The following MICU3 variants were observed in gnomAD, a reference collection of about 807,000 sequenced individuals.
The protein encoded by MICU3 is calcium uptake protein 3, mitochondrial.
Under a neutral mutation model 66.5 loss-of-function variants are expected in MICU3, and 62 were observed. The observed-to-expected ratio is 0.93, with a 90% CI of 0.76 to 1.15. The LOEUF (loss-of-function observed/expected upper bound fraction) is 1.15, where lower values mean the gene tolerates loss of function less well. Among genes scored for constraint, MICU3 ranks in the 50% most tolerant of loss-of-function variants. The pLI, the probability that MICU3 is intolerant of heterozygous loss-of-function variation, is 0.00. For synonymous variants in MICU3, 308 were observed against 240.7 expected (o/e 1.28, Z -2.59); for missense variants, 779 against 664.4 (o/e 1.17, Z -1.90).
At chr8:17,090,225 CG>C (rs1385204131) in intron 7 of MICU3, among the ~76,000 whole-genome samples, 2 of 152,058 alleles carry the variant, frequency 1.3e-5, no homozygotes, top group African/African-American at 4.8e-5. Context: ...TGTAGCATTG[CG>C]GAAGCATGTC....
chr8:17,097,946 C>G (rs544711628), intron 8 of MICU3, among the ~76,000 whole-genome samples: 5 of 151,832 alleles, frequency 3.3e-5, no homozygotes, highest in Non-Finnish European at 5.9e-5. Context: ...TGACTTAAAA[C>G]AGGTCTATTT....
chr8:17,037,333 C>G (rs533406803), intron 1 of MICU3, among the ~76,000 whole-genome samples: 204 of 152,298 alleles, frequency 1.3e-3, no homozygotes, highest in African/African-American at 4.6e-3. Context: ...GAGGAGGTGC[C>G]GAGAGCGAGC....
intron 7 of MICU3, among the ~76,000 whole-genome samples, chr8:17,088,501 C>T (rs566073274): frequency 2.6e-4 from 39 of 151,918 alleles, no homozygotes; most frequent in Non-Finnish European, 4.9e-4. Context: ...TTACCTCTAA[C>T]TATAATTGAC....
chr8:17,065,506 T>C (rs1818542204), intron 2 of MICU3, among the ~76,000 whole-genome samples: 2 of 152,132 alleles, frequency 1.3e-5, no homozygotes, highest in South Asian at 4.1e-4. Flanking sequence ...GAATTTCTGC[T>C]CTTTAAAAGA....
intron 1 of MICU3, among the ~76,000 whole-genome samples, chr8:17,028,127 C>T (rs917065585): frequency 9.9e-5 from 15 of 152,098 alleles, no homozygotes; most frequent in African/African-American, 3.4e-4. Context: ...ATTTATTAGT[C>T]CCAAGAAAGG....
intron 1 of MICU3, among the ~76,000 whole-genome samples, chr8:17,028,979 GT>G (rs2150465773): frequency 1.3e-5 from 2 of 152,260 alleles, no homozygotes; most frequent in South Asian, 4.1e-4. Flanking sequence ...TTATCTTGCA[GT>G]TTTTAAAAAG....
intron 1 of MICU3, among the ~76,000 whole-genome samples, chr8:17,041,288 CAG>C (rs557146473): frequency 1.2e-3 from 183 of 150,756 alleles, no homozygotes; most frequent in Non-Finnish European, 2.3e-3. Context: ...AAAAAAAAGT[CAG>C]GGGGCCATGG....
intron 11 of MICU3, among the ~76,000 whole-genome samples, chr8:17,112,717 A>G (rs1802316184): frequency 6.6e-6 from 1 of 152,110 alleles, no homozygotes; most frequent in African/African-American, 2.4e-5. Context: ...CAATATATTG[A>G]TATTTTTGTT....
chr8:17,082,511 C>A (rs377250819), intron 5 of MICU3, among the ~76,000 whole-genome samples: 2 of 152,126 alleles, frequency 1.3e-5, no homozygotes, highest in African/African-American at 4.8e-5. Flanking sequence ...TATTGGTTTA[C>A]ATGTTCTTGT....
chr8:17,100,777 A>G (rs1432859170), intron 9 of MICU3, among the ~76,000 whole-genome samples: 1 of 151,734 alleles, frequency 6.6e-6, no homozygotes, highest in African/African-American at 2.4e-5. Context: ...GAAAATTTGA[A>G]TATCAGAGCT....
At chr8:17,039,969 A>G (rs1259222619) in intron 1 of MICU3, among the ~76,000 whole-genome samples, 4 of 120,080 alleles carry the variant, frequency 3.3e-5, no homozygotes, top group African/African-American at 1.2e-4. Context: ...GTAGAATGGC[A>G]CGATCTCAGC....
At chr8:17,070,545 A>G (rs931788653) in intron 3 of MICU3, among the ~76,000 whole-genome samples, 12 of 152,106 alleles carry the variant, frequency 7.9e-5, no homozygotes, top group South Asian at 2.1e-4. Flanking sequence ...GGGCTCAAAG[A>G]GGCTTTAAAG....
intron 8 of MICU3, among the ~76,000 whole-genome samples, chr8:17,096,982 T>C (rs968343971): frequency 1.3e-5 from 2 of 151,138 alleles, no homozygotes; most frequent in Non-Finnish European, 3.0e-5. Context: ...TGTGTGTGTG[T>C]GTGTGTGTGT....
chr8:17,080,968 T>G (rs1451997028), intron 4 of MICU3, among the ~76,000 whole-genome samples: 1 of 152,152 alleles, frequency 6.6e-6, no homozygotes, highest in Non-Finnish European at 1.5e-5. Flanking sequence ...GGAAGGTCAG[T>G]TGAAGCACTA....
At position 17,119,552 on chromosome 8, in the gene MICU3, G is replaced by GATAGATAA. The variant is rs1554541248; in HGVS notation, c.*1-729_*1-728insAATAGATA. Reference sequence around the variant, plus strand: ...TGAAGCATAGATAGATAGATAGATAGATAGATAGATAGATAGATAGATAGA... The same window carrying GATAGATAA: ...TGAAGCATAGATAGATAGATAGATAGATAGATAAATAGATAGATAGATAGATAGATAGA... On this transcript the variant is annotated intron_variant, in intron 14 of 14. Transcript: ENST00000318063. Among the ~76,000 whole-genome samples, 20 of 148,746 alleles carry GATAGATAA rather than the reference G, an allele frequency of 1.3e-4. 1 individual carries two copies. The highest frequency in any genetic ancestry group is 4.2e-4 in the African/African-American group (17 of 40,394).
the MICU3 span, among the ~76,000 whole-genome samples, chr8:17,133,861 T>C: frequency 6.6e-6 from 1 of 152,212 alleles, no homozygotes; most frequent in Non-Finnish European, 1.5e-5. Context: ...GGGATGTAAA[T>C]AAATAAACTA....
intron 2 of MICU3, among the ~76,000 whole-genome samples, chr8:17,067,128 T>A (rs1350516006): frequency 6.7e-6 from 1 of 150,372 alleles, no homozygotes; most frequent in East Asian, 1.9e-4. Context: ...TATTCATAAA[T>A]CCTGTTTTGA....
At chr8:17,065,547 A>T (rs1238403075) in intron 2 of MICU3, among the ~76,000 whole-genome samples, 1 of 152,174 alleles carries the variant, frequency 6.6e-6, no homozygotes, top group Non-Finnish European at 1.5e-5. Flanking sequence ...AAAGGATGAG[A>T]AAAGGGGACA....
rs565663131 is a variant in MICU3 at position 17,104,856 on chromosome 8, G to A, written c.1085+365G>A. ...TAAAAATACAAAAAATTAGCCGGGC[G>A]TGGTAGCGGGCGCCTGTAGTCCCAG... is the stretch of plus-strand genomic sequence containing the variant. On this transcript the variant is annotated intron_variant, in intron 10 of 14. Transcript: ENST00000318063. Among the ~76,000 whole-genome samples, 11 of 84,122 alleles carry A rather than the reference G, an allele frequency of 1.3e-4. 3 individuals are homozygous for A. The highest frequency in any genetic ancestry group is 2.0e-4 in the Non-Finnish European group (10 of 49,550). The allele number at this position is 84,122 out of a possible 152,430, so 55.2% of individuals were successfully genotyped here.
Sources: allele counts gnomAD v4.1 joint callset (sites outside exome capture counted in the v4.1 genomes callset), GRCh38; gene constraint gnomAD v4.1.1; transcripts MANE v1.5; gene names NCBI Gene and HGNC (gene_info 2026-07-23, HGNC 2026-07-21).